The following PLEKHG1 variants were observed in gnomAD, a reference collection of about 807,000 sequenced individuals.
The protein encoded by PLEKHG1 is pleckstrin homology and RhoGEF domain containing G1.
In PLEKHG1, 44 loss-of-function variants were observed where a neutral mutation model predicts 100.8. The observed-to-expected ratio is 0.44, with a 90% confidence interval of 0.34 to 0.56. The LOEUF is 0.56. PLEKHG1 is among the 20% of genes least tolerant of loss of function. The pLI, the probability that PLEKHG1 is intolerant of heterozygous loss-of-function variation, is 0.01. For missense variants in PLEKHG1, 1,545 were observed against 1,720.9 expected (o/e 0.90, Z 1.81); for synonymous variants, 640 against 662.5 (o/e 0.97, Z 0.52).
chr6:150,716,021 T>A (rs1429539808), intron 3 of PLEKHG1, among the ~76,000 whole-genome samples: 1 of 146,240 alleles, frequency 6.8e-6, no homozygotes, highest in Non-Finnish European at 1.5e-5. Context: ...GGCAGGAGAA[T>A]GGCGTGAACC....
chr6:150,694,974 T>C (rs1780489954), intron 3 of PLEKHG1, among the ~76,000 whole-genome samples: 1 of 152,164 alleles, frequency 6.6e-6, no homozygotes, highest in Admixed American at 6.5e-5. Flanking sequence ...CTAGAATCAA[T>C]GGTATTTTAT....
intron 2 of PLEKHG1, among the ~76,000 whole-genome samples, chr6:150,762,074 A>G (rs1435221250): frequency 6.6e-6 from 1 of 152,158 alleles, no homozygotes; most frequent in Non-Finnish European, 1.5e-5. Context: ...AAACCACCCG[A>G]TATTTTATTC....
At chr6:150,827,704 AC>A (rs1459817733) in intron 14 of PLEKHG1, 8 of 1,140,996 alleles carry the variant, frequency 7.0e-6, no homozygotes, top group Admixed American at 3.4e-5. Context: ...ATGACATCTT[AC>A]GCAAAAAGGG....
chr6:150,705,969 C>G (rs1206603363), intron 3 of PLEKHG1, among the ~76,000 whole-genome samples: 1 of 152,168 alleles, frequency 6.6e-6, no homozygotes, highest in East Asian at 1.9e-4. Context: ...TGCACAAATG[C>G]TCTTCCAAGT....
chr6:150,628,575 C>T (rs4104626), intron 1 of PLEKHG1, among the ~76,000 whole-genome samples: 17,051 of 137,024 alleles, frequency 0.12, 1,536 homozygotes, highest in South Asian at 0.2. Flanking sequence ...CACACACACA[C>T]ACCCCGTCCT....
Position 150,815,347 on chromosome 6 carries a change from T to G in PLEKHG1, c.1279-2836T>G, listed in dbSNP as rs75411299. Among the ~76,000 whole-genome samples, 645 of 152,296 alleles carry G rather than the reference T, an allele frequency of 4.2e-3. 5 individuals are homozygous for G. Among genetic ancestry groups the G allele is most frequent in the African/African-American group, 0.014 (587 of 41,554 alleles). ...TAGTGGAAATCCTGGAAACAGTACT[T>G]TAAAAATTAAATGTCCAGACAAAAA... On this transcript the variant is annotated intron_variant, in intron 10 of 15. Transcript: ENST00000358517.
chr6:150,669,814 T>C (rs1582917501), intron 3 of PLEKHG1, among the ~76,000 whole-genome samples: 1 of 152,002 alleles, frequency 6.6e-6, no homozygotes, highest in Non-Finnish European at 1.5e-5. Flanking sequence ...GCCAGACTGG[T>C]CTCGAACTCC....
chr6:150,831,842 A>G lies in PLEKHG1; in HGVS notation c.2731A>G (p.Ser911Gly), dbSNP rs748377045. 32 of 1,612,398 alleles carry G rather than the reference A, an allele frequency of 2.0e-5. No individual in the cohort carries two copies. The highest frequency in any genetic ancestry group is 2.6e-5 in the Non-Finnish European group (31 of 1,178,988). The stretch of plus-strand genomic sequence containing the variant: ...CGTGAAGAGCAGGGCTGGCAGAGCC[A>G]GCCGCGCCAACTGCCCCTTTGAGGA... Residue 911 changes from serine (S) to glycine (G), a missense_variant, in exon 15 of 16, where the codon AGC becomes GGC. By Grantham distance (56) the Ser-to-Gly change is moderately conservative. Coordinates refer to ENST00000358517, the Ensembl canonical transcript of PLEKHG1. The surrounding 1 kb of genome is among the most constrained non-coding windows in gnomAD (Gnocchi z 4.1).
At chr6:150,813,197 C>T (rs1771842) in intron 10 of PLEKHG1, among the ~76,000 whole-genome samples, 42,466 of 150,272 alleles carry the variant, frequency 0.28, 6,301 homozygotes, top group Non-Finnish European at 0.34. Flanking sequence ...CCCAGCTACG[C>T]GGGAGGCTGA....
At chr6:150,724,365 A>G (rs1781848771) in intron 1 of PLEKHG1, among the ~76,000 whole-genome samples, 1 of 152,186 alleles carries the variant, frequency 6.6e-6, no homozygotes, top group Non-Finnish European at 1.5e-5. Context: ...AAAAGGGTAG[A>G]GTGGATTTTG....
intron 2 of PLEKHG1, among the ~76,000 whole-genome samples, chr6:150,744,526 A>T (rs1783048300): frequency 6.6e-6 from 1 of 152,178 alleles, no homozygotes; most frequent in African/African-American, 2.4e-5. Context: ...ATCAACCCAC[A>T]TTGTTGTGGA....
intron 3 of PLEKHG1, among the ~76,000 whole-genome samples, chr6:150,691,361 A>G (rs933056633): frequency 7.2e-5 from 11 of 152,262 alleles, no homozygotes; most frequent in Middle Eastern, 3.4e-3. Context: ...GAAGGTATTT[A>G]TTTTCAGTTA....
exon 8 of PLEKHG1, chr6:150,809,201 A>C: frequency 6.2e-7 from 1 of 1,613,300 alleles, no homozygotes; most frequent in South Asian, 1.1e-5. Flanking sequence ...GCGAGCCAAG[A>C]ATGAGCGGAC....
At chr6:150,836,065 C>A (rs1327976389) in intron 15 of PLEKHG1, among the ~76,000 whole-genome samples, 1 of 152,082 alleles carries the variant, frequency 6.6e-6, no homozygotes, top group African/African-American at 2.4e-5. Flanking sequence ...AAGTGCATCC[C>A]TTTTTAAAAG....
rs555990656 is a variant in PLEKHG1, at chr6:150,601,092, G to A, written c.-204+1075G>A. ...CTATATTGTGTTTTGTATTTAGACC[G>A]GGGGAAAGACTAGAATGTTAACTCT... On this transcript the variant is annotated intron_variant, in intron 1 of 3. Transcript: ENST00000367326. 3.7e-3 allele frequency among the ~76,000 whole-genome samples: 570 copies of A among 152,252 alleles called. 3 individuals are homozygous for A. The highest frequency in any genetic ancestry group is 6.4e-3 in the Non-Finnish European group (432 of 68,006).
At chr6:150,602,335 C>T (rs1468915181) in intron 1 of PLEKHG1, among the ~76,000 whole-genome samples, 1 of 152,174 alleles carries the variant, frequency 6.6e-6, no homozygotes, top group African/African-American at 2.4e-5. Context: ...ATATTAAACC[C>T]AGAAGGGCTC....
intron 1 of PLEKHG1, among the ~76,000 whole-genome samples, chr6:150,637,287 C>T (rs546861116): frequency 6.6e-6 from 1 of 151,164 alleles, no homozygotes; most frequent in Non-Finnish European, 1.5e-5. Context: ...AATTTTGCCA[C>T]TTGAAGGAGA....
At position 150,726,962 on chromosome 6, in the gene PLEKHG1, C is replaced by T. The variant is rs78070093; in HGVS notation, c.-99+5762C>T. ...AAAGCATTAAGTCAGTTGTTTACAA[C>T]GTTGAGGCTCTAACAAAACTGCGCT... On this transcript the variant is annotated intron_variant, in intron 1 of 15. Coordinates refer to ENST00000358517, the Ensembl canonical transcript of PLEKHG1. 6.7e-3 allele frequency among the ~76,000 whole-genome samples: 1,018 copies of T among 152,270 alleles called. 14 individuals carry two copies. Among genetic ancestry groups the T allele is most frequent in the African/African-American group, 0.023 (966 of 41,564 alleles).
At chr6:150,794,370 A>C (rs1055402773) in intron 4 of PLEKHG1, among the ~76,000 whole-genome samples, 2 of 152,172 alleles carry the variant, frequency 1.3e-5, no homozygotes, top group Non-Finnish European at 2.9e-5. Context: ...ATTATGTTTA[A>C]TGTCCTTATT....
Sources: gnomAD v4.1 joint callset for allele counts (sites outside exome capture counted in the v4.1 genomes callset) on GRCh38, gnomAD v4.1.1 for gene constraint, Gnocchi (gnomAD v3.1) non-coding constraint, MANE v1.5 for transcripts, NCBI Gene and HGNC (gene_info 2026-07-23, HGNC 2026-07-21) for gene names.